Variants in STK11 observed in about 807,000 individuals in gnomAD.
STK11 encodes serine/threonine kinase 11.
In STK11, 8 loss-of-function variants were observed where a neutral mutation model predicts 47.3. That is an observed-to-expected ratio of 0.17 (90% CI 0.10 to 0.31). The LOEUF is 0.31. Among genes scored for constraint, STK11 ranks in the 10% least tolerant of loss-of-function variants. The probability of loss-of-function intolerance (pLI) is 1.00; values close to 1 mark genes in which losing one functional copy is unlikely to be tolerated. For missense variants in STK11, 475 were observed against 605.0 expected, an observed-to-expected ratio of 0.79 and a Z score of 2.25; for synonymous variants, 330 against 255.8, an observed-to-expected ratio of 1.29 and a Z score of -2.77.
chr19:1,221,234 G>A lies in STK11; in HGVS notation c.756G>A (p.Leu252=), dbSNP rs786201544. Residue 252 remains leucine, a synonymous_variant, in exon 6 of 10, where the codon CTG becomes CTA. Coordinates refer to ENST00000326873, the MANE Select transcript of STK11 (RefSeq NM_000455.5). The stretch of plus-strand genomic sequence containing the variant: ...GAAGCTACAACATCACCACGGGTCT[G>A]TACCCCTTCGAAGGGGACAACATCT... ...GVTLYNITTG[L]YPFEGDNIYK... 2 of 1,612,518 alleles carry A rather than the reference G, an allele frequency of 1.2e-6. No individual in the cohort carries two copies. The highest frequency in any genetic ancestry group is 2.2e-5 in the East Asian group (1 of 44,870).
At chr19:1,207,340 C>T (rs1164779935) in intron 1 of STK11, 137 bp downstream of exon 1, 6 of 1,240,084 alleles carry the variant, frequency 4.8e-6, no homozygotes, top group East Asian at 2.6e-5. Flanking sequence ...GCGCCTGTGT[C>T]CTCCGTGCCA....
intron 8 of STK11, chr19:1,224,964 G>T: frequency 4.1e-6 from 4 of 985,574 alleles, no homozygotes; most frequent in Non-Finnish European, 3.6e-6. Flanking sequence ...GCGCCCTCGG[G>T]TCAGGCCATC....
At chr19:1,220,119 G>A (rs2080772103) in intron 3 of STK11, 3 of 490,572 alleles carry the variant, frequency 6.1e-6, no homozygotes, top group South Asian at 6.2e-5. Flanking sequence ...CAGCCGGCCT[G>A]TGGCCCACAG....
At chr19:1,215,984 C>T (rs964804525) in intron 1 of STK11, among the ~76,000 whole-genome samples, 1 of 141,666 alleles carries the variant, frequency 7.1e-6, no homozygotes, top group East Asian at 2.3e-4. Flanking sequence ...TGATCCACCT[C>T]GGCCTCCCAT....
intron 1 of STK11, among the ~76,000 whole-genome samples, chr19:1,217,435 G>A (rs1228684985): frequency 6.6e-6 from 1 of 152,078 alleles, no homozygotes. Context: ...CCTGAGCTCA[G>A]GTGATCCACC....
Position 1,223,773 on chromosome 19 carries a change from G to A in STK11, c.1108+601G>A, listed in dbSNP as rs142483229. On this transcript the variant is annotated intron_variant, in intron 8 of 9. Transcript: ENST00000326873. Reference sequence around the variant, plus strand: ...CTGAGGAGGAGCTCAGGGCCTTAGCGTAGGGGCGGCCCACATTGGCAGCCA... The same window carrying A: ...CTGAGGAGGAGCTCAGGGCCTTAGCATAGGGGCGGCCCACATTGGCAGCCA... The A allele has an allele frequency of 4.8e-4, 497 of 1,038,166 alleles. 1 individual carries two copies. The African/African-American group carries it at 7.6e-3, about 16-fold the overall frequency. 64.3% of individuals were successfully genotyped at this position (1,038,166 alleles called of 1,614,324 possible). A position where few individuals can be genotyped will look rare whatever the true frequency, so the allele number is the denominator to read the frequency against.
At chr19:1,221,590 G>T (rs2080784897) in intron 6 of STK11, 6 of 618,066 alleles carry the variant, frequency 9.7e-6, no homozygotes, top group Non-Finnish European at 1.4e-5. Flanking sequence ...GCCTCCCCCA[G>T]CCCCACCCTC....
chr19:1,220,229 C>A (rs2080772763), intron 3 of STK11, 144 bp from the exon 4 acceptor site: 2 of 1,141,608 alleles, frequency 1.8e-6, no homozygotes, highest in Admixed American at 2.6e-5. Context: ...CTGGACCTAG[C>A]CTTTCCTCTG....
At chr19:1,220,956 C>T (rs962405888) in intron 5 of STK11, among the ~76,000 whole-genome samples, 26 of 152,224 alleles carry the variant, frequency 1.7e-4, no homozygotes, top group African/African-American at 6.3e-4. Context: ...GGCCGACCCT[C>T]CTCCCAGAGC....
rs2145425008 is a variant in STK11 at position 1,220,585 on chromosome 19, T to C, written c.602T>C (p.Leu201Pro). ...KISDLGVAEA[L>P]HPFAADDTCR... ...GGCTGCACGGCACCGCCACAGGCACTGCACCCGTTCGCGGCGGACGACACC... is the reference window on the plus strand; with the variant it reads ...GGCTGCACGGCACCGCCACAGGCACCGCACCCGTTCGCGGCGGACGACACC... The change falls in exon 5 of 10, where the codon CTG becomes CCG. Residue 201 changes from leucine (L) to proline (P), a missense_variant. Coordinates refer to ENST00000326873, the MANE Select transcript of STK11 (RefSeq NM_000455.5). 1 of 1,584,216 alleles carries C rather than the reference T, an allele frequency of 6.3e-7. No individual in the cohort carries two copies. The highest frequency in any genetic ancestry group is 8.6e-7 in the Non-Finnish European group (1 of 1,164,886).
intron 1 of STK11, among the ~76,000 whole-genome samples, chr19:1,214,884 G>A (rs539093289): frequency 6.6e-6 from 1 of 152,298 alleles, no homozygotes; most frequent in African/African-American, 2.4e-5. Flanking sequence ...GGGTGCTTTC[G>A]CCTCCTGGTG....
intron 8 of STK11, chr19:1,225,857 AGT>A: frequency 1.0e-6 from 1 of 986,402 alleles, no homozygotes; most frequent in Non-Finnish European, 1.2e-6. Context: ...TTGTGAGAAC[AGT>A]GTCCACCTGG....
chr19:1,223,034 C>A lies in STK11; in HGVS notation c.970C>A (p.Pro324Thr). ...GGCTGAAGCACCAGTGCCCATCCCA[C>A]CGAGCCCAGACACCAAGGACCGGTG... ...PPAEAPVPIPPSPDTKDRWRS... is the reference protein window; with the variant it reads ...PPAEAPVPIPTSPDTKDRWRS... Residue 324 changes from proline (P) to threonine (T), a missense_variant, in exon 8 of 10, where the codon CCG becomes ACG. Physicochemically the swap from Pro to Thr is conservative, Grantham distance 38 (BLOSUM62 -1). Coordinates refer to ENST00000326873, the MANE Select transcript of STK11 (RefSeq NM_000455.5). 6.3e-7 allele frequency: 1 copy of A among 1,593,950 alleles called. No homozygotes were observed. Among genetic ancestry groups the A allele is most frequent in the Non-Finnish European group, 8.5e-7 (1 of 1,171,058 alleles).
chr19:1,224,415 A>G, intron 8 of STK11: 3 of 985,424 alleles, frequency 3.0e-6, no homozygotes, highest in African/African-American at 1.7e-5. Context: ...CATGGTGCCC[A>G]TCCTTGGGGC....
rs1271192437 is a variant in STK11 at position 1,221,600 on chromosome 19, C to G, written c.862+260C>G. 1.7e-5 allele frequency: 10 copies of G among 601,284 alleles called. No individual in the cohort carries two copies. In the East Asian group the frequency reaches 2.8e-4, roughly 17 times the overall value. 37.2% of individuals were successfully genotyped at this position (601,284 alleles called of 1,614,324 possible). ...CCTGCGCCTCCCCCAGCCCCACCCT[C>G]GGGGGCTCCCTGGCTTGCAGGGTCT... On this transcript the variant is annotated intron_variant, in intron 6 of 9. Coordinates refer to ENST00000326873, the MANE Select transcript of STK11 (RefSeq NM_000455.5).
rs1228538292 is a variant in STK11 at position 1,227,645 on chromosome 19, C to T, written c.*69C>T. ...CCGCGCCAGGCCCTCAGTCTTCCTG[C>T]CGGTTCCGCCCGCCCTCCCGGAGAG... On this transcript the variant is annotated 3_prime_UTR_variant, in exon 10 of 10. Transcript: ENST00000326873. The T allele has an allele frequency of 2.8e-6, 3 of 1,067,664 alleles. No homozygotes were observed. The highest frequency in any genetic ancestry group is 9.1e-5 in the South Asian group (2 of 22,016). The allele number at this position is 1,067,664 out of a possible 1,614,324, so 66.1% of individuals were successfully genotyped here. A position where few individuals can be genotyped will look rare whatever the true frequency, so the allele number is the denominator to read the frequency against.
intron 6 of STK11, 98 bp downstream of exon 6, chr19:1,221,438 A>G (rs2145427655): frequency 1.4e-6 from 2 of 1,448,350 alleles, no homozygotes; most frequent in East Asian, 5.0e-5. Context: ...ATTGGCCCCG[A>G]GACCCCAGCA....
At chr19:1,216,532 A>T (rs1280223524) in intron 1 of STK11, 1 of 151,226 alleles carries the variant, frequency 6.6e-6, no homozygotes, top group Non-Finnish European at 1.5e-5. Flanking sequence ...GTGAGCTGAG[A>T]TCATGCCATT....
At chr19:1,215,512 TCTC>T (rs1444933832) in intron 1 of STK11, among the ~76,000 whole-genome samples, 1 of 152,118 alleles carries the variant, frequency 6.6e-6, no homozygotes, top group African/African-American at 2.4e-5. Context: ...TTCATCCTGC[TCTC>T]CTAGCCCCTC....
Sources: gnomAD v4.1 joint callset for allele counts (sites outside exome capture counted in the v4.1 genomes callset) on GRCh38, gnomAD v4.1.1 for gene constraint, MANE v1.5 for transcripts, NCBI Gene and HGNC (gene_info 2026-07-23, HGNC 2026-07-21) for gene names.